MAMLD1: variants seen among roughly 807,000 people sequenced by gnomAD.
The protein encoded by MAMLD1 is mastermind like domain containing 1, also known as mastermind-like domain-containing protein 1.
In MAMLD1, 14 loss-of-function variants were observed where a neutral mutation model predicts 45.0. The observed-to-expected ratio is 0.31, with a 90% confidence interval of 0.21 to 0.49. MAMLD1 has a LOEUF of 0.49. MAMLD1 is among the 20% of genes least tolerant of loss of function. The probability of loss-of-function intolerance (pLI) is 0.99; values close to 1 mark genes in which losing one functional copy is unlikely to be tolerated. For synonymous variants in MAMLD1, 254 were observed against 247.8 expected (o/e 1.02, Z -0.24); for missense variants, 543 against 603.6 (o/e 0.90, Z 1.05).
At chrX:150,477,409 C>T (rs1466728512) in intron 5 of MAMLD1, among the ~76,000 whole-genome samples, 2 of 112,268 alleles carry the variant, frequency 1.8e-5, no homozygotes, top group Admixed American at 9.3e-5. Flanking sequence ...ATCCAGGCTC[C>T]TCTCTGACCC....
intron 1 of MAMLD1, among the ~76,000 whole-genome samples, chrX:150,398,378 A>AGG (rs1557402334): frequency 8.2e-5 from 9 of 109,671 alleles, no homozygotes; most frequent in African/African-American, 2.0e-4. Context: ...GAAGAGGAAG[A>AGG]AGAAGAGGAA....
intron 1 of MAMLD1, among the ~76,000 whole-genome samples, chrX:150,427,715 C>T (rs1052583315): frequency 1.8e-5 from 2 of 112,098 alleles, no homozygotes; most frequent in African/African-American, 6.5e-5. Context: ...TGCAGCTCAC[C>T]TTTGGACGTT....
intron 6 of MAMLD1, 133 bp downstream of exon 6, chrX:150,503,650 G>C (rs954383711): frequency 4.0e-6 from 2 of 498,176 alleles, no homozygotes; most frequent in East Asian, 7.3e-5. Context: ...GTAAAGCTCT[G>C]TCCACCCATG....
intron 2 of MAMLD1, among the ~76,000 whole-genome samples, chrX:150,446,373 G>A (rs782235414): frequency 1.4e-3 from 156 of 111,601 alleles, no homozygotes; most frequent in African/African-American, 4.7e-3. Flanking sequence ...TTATAGAGCC[G>A]TGGGTCGGCT....
chrX:150,455,278 G>T (rs1476870574), intron 2 of MAMLD1, among the ~76,000 whole-genome samples: 4 of 111,675 alleles, frequency 3.6e-5, no homozygotes, highest in Non-Finnish European at 7.5e-5. Context: ...TTCATAAAAG[G>T]ATATACTGAG....
chrX:150,432,353 C>G (rs1360985872), intron 1 of MAMLD1, among the ~76,000 whole-genome samples: 1 of 111,331 alleles, frequency 9.0e-6, no homozygotes, highest in Non-Finnish European at 1.9e-5. Flanking sequence ...ATATTTTGTC[C>G]CATTTCGTAG....
chrX:150,427,220 A>G (rs1169419764), intron 1 of MAMLD1, among the ~76,000 whole-genome samples: 1 of 112,329 alleles, frequency 8.9e-6, no homozygotes, highest in Non-Finnish European at 1.9e-5. Flanking sequence ...TCCAAATAAG[A>G]TCACATTATG....
chrX:150,416,058 G>A (rs1473114120), intron 1 of MAMLD1, among the ~76,000 whole-genome samples: 4 of 111,825 alleles, frequency 3.6e-5, no homozygotes, highest in African/African-American at 9.8e-5. Context: ...CGTTTTCCTG[G>A]AACTTCCTCC....
At position 150,382,885 on chromosome X, in the gene MAMLD1, A is replaced by ATTTTTTTTTTT. The variant is rs1405489784; in HGVS notation, c.-64+19360_-64+19370dup. Among the ~76,000 whole-genome samples the ATTTTTTTTTTT allele has an allele frequency of 1.5e-4, 6 of 41,187 alleles. 1 individual carries two copies. Among genetic ancestry groups the ATTTTTTTTTTT allele is most frequent in the Admixed American group, 2.4e-4 (1 of 4,149 alleles). The allele number at this position is 41,187 out of a possible 115,157, so 35.8% of individuals were successfully genotyped here. On this transcript the variant is annotated intron_variant, in intron 1 of 7. Transcript: ENST00000370401. ...CAAATATTTTGTCCCATTTTATTTT[A>ATTTTTTTTTTT]TTTTTTTTTTTTTTTATTTTTTATT...
At chrX:150,369,962 AAGAAGG>A (rs1557400930) in intron 1 of MAMLD1, among the ~76,000 whole-genome samples, 1 of 108,891 alleles carries the variant, frequency 9.2e-6, no homozygotes, top group Non-Finnish European at 1.9e-5. Flanking sequence ...GAACATTATG[AAGAAGG>A]ACTCTTTATC....
chrX:150,398,332 GAAGAAGAAGAGGAAGA>G (rs2124511226), intron 1 of MAMLD1, among the ~76,000 whole-genome samples: 1 of 80,559 alleles, frequency 1.2e-5, no homozygotes, highest in South Asian at 5.2e-4. Context: ...AGAAGAAGAA[GAAGAAGAAGAGGAAGA>G]GGAAGAGGAA....
In MAMLD1 at chrX:150,512,158, A is replaced by G. The variant is rs2148371578; in HGVS notation, c.*199A>G. On this transcript the variant is annotated 3_prime_UTR_variant, in exon 8 of 8. Transcript: ENST00000370401. ...GGCACCAGAGCTGCGAGGGCATGGG[A>G]GTGATCTCACCAACTCTGGGGAAGC... 3 of 1,147,944 alleles carry G rather than the reference A, an allele frequency of 2.6e-6. No individual in the cohort carries two copies. In the South Asian group the frequency reaches 5.9e-5, roughly 22 times the overall value. 94.6% of individuals were successfully genotyped at this position (1,147,944 alleles called of 1,213,427 possible).
chrX:150,429,413 C>A (rs1017154259), intron 1 of MAMLD1, among the ~76,000 whole-genome samples: 1 of 110,909 alleles, frequency 9.0e-6, no homozygotes, highest in Non-Finnish European at 1.9e-5. Context: ...CATCTGGACC[C>A]TGAAGTCCTT....
intron 1 of MAMLD1, among the ~76,000 whole-genome samples, chrX:150,431,628 T>A (rs782326525): frequency 9.0e-6 from 1 of 110,921 alleles, no homozygotes; most frequent in East Asian, 2.8e-4. Flanking sequence ...CCATATGTAC[T>A]CGATGTTTAC....
chrX:150,401,918 A>T (rs1371642750), intron 1 of MAMLD1, among the ~76,000 whole-genome samples: 12 of 110,630 alleles, frequency 1.1e-4, no homozygotes, highest in African/African-American at 3.6e-4. Context: ...ACAAAAATCA[A>T]TTCAAGATGG....
At position 150,503,389 on chromosome X, in the gene MAMLD1, C is replaced by A. The variant is rs2037623547; in HGVS notation, c.2156C>A (p.Ser719Tyr). ...LGSESFLPGSSFAHELARVTS... is the reference protein window; with the variant it reads ...LGSESFLPGSYFAHELARVTS... ...AGTGAGTCCTTCCTGCCCGGCAGCT[C>A]CTTTGCTCATGAGCTGGCCCGAGTC... The change falls in exon 6 of 8, where the codon TCC becomes TAC. Residue 719 changes from serine (S) to tyrosine (Y), a missense_variant. Ser to Tyr is a moderately radical substitution (Grantham distance 144). Transcript: ENST00000370401. The A allele has an allele frequency of 8.3e-7, 1 of 1,211,821 alleles. No individual in the cohort carries two copies. The highest frequency in any genetic ancestry group is 1.1e-6 in the Non-Finnish European group (1 of 895,265).
Position 150,369,526 on chromosome X carries a change from C to G in MAMLD1, c.-64+5996C>G, listed in dbSNP as rs16996565. Among the ~76,000 whole-genome samples the G allele has an allele frequency of 5.6e-3, 631 of 112,739 alleles. 3 individuals carry two copies. The highest frequency in any genetic ancestry group is 0.019 in the African/African-American group (605 of 31,045). Reference sequence around the variant, plus strand: ...GTGTGAAGTGTTCACCTTTTTGTGTCTTTTGCAAGTGTGAACTTCTAACCC... The same window carrying G: ...GTGTGAAGTGTTCACCTTTTTGTGTGTTTTGCAAGTGTGAACTTCTAACCC... On this transcript the variant is annotated intron_variant, in intron 1 of 7. Transcript: ENST00000370401.
Position 150,478,959 on chromosome X carries a change from T to C in MAMLD1, c.2040+5157T>C, listed in dbSNP as rs1557406995. ...GGGACCGATATCTCAGTGTTGAAAA[T>C]GTTTTGTTTTAACCTCTCTAAATTG... On this transcript the variant is annotated intron_variant, in intron 5 of 7. Transcript: ENST00000370401. Among the ~76,000 whole-genome samples the C allele has an allele frequency of 2.7e-5, 3 of 112,177 alleles. No individual in the cohort carries two copies. The South Asian group carries it at 1.1e-3, about 42-fold the overall frequency.
chrX:150,413,774 G>A (rs1179770318), intron 1 of MAMLD1, among the ~76,000 whole-genome samples: 2 of 110,479 alleles, frequency 1.8e-5, no homozygotes, highest in African/African-American at 3.3e-5. Flanking sequence ...CCCCACAGAA[G>A]GAGAAACCAG....
Sources: allele counts gnomAD v4.1 joint callset (sites outside exome capture counted in the v4.1 genomes callset), GRCh38; gene constraint gnomAD v4.1.1; transcripts MANE v1.5; gene names NCBI Gene and HGNC (gene_info 2026-07-23, HGNC 2026-07-21).